PHTF2: variants seen among roughly 807,000 people sequenced by gnomAD.
PHTF2 encodes protein PHTF2.
In PHTF2, 60 loss-of-function variants were observed where a neutral mutation model predicts 101.2. The ratio of observed to expected loss-of-function variants is 0.59; its 90% CI spans 0.48 to 0.73. The LOEUF (loss-of-function observed/expected upper bound fraction) is 0.73. Among genes scored for constraint, PHTF2 ranks in the 30% least tolerant of loss-of-function variants. PHTF2 has a pLI of 0.00. For missense variants in PHTF2, 747 were observed against 908.7 expected (o/e 0.82, Z 2.29); for synonymous variants, 311 against 307.3 (o/e 1.01, Z -0.13).
At chr7:77,905,541 C>A (rs1801776123) in intron 7 of PHTF2, among the ~76,000 whole-genome samples, 1 of 152,120 alleles carries the variant, frequency 6.6e-6, no homozygotes, top group Admixed American at 6.5e-5. Context: ...CTCTGTTGCT[C>A]AGGCTGGAGT....
At chr7:77,816,968 T>C (rs189083135) in intron 1 of PHTF2, among the ~76,000 whole-genome samples, 44 of 152,358 alleles carry the variant, frequency 2.9e-4, no homozygotes, top group African/African-American at 1.0e-3. Flanking sequence ...CATTCATCTG[T>C]TGTTGGGCAT....
At chr7:77,859,728 C>T (rs1797474860) in intron 3 of PHTF2, among the ~76,000 whole-genome samples, 1 of 151,934 alleles carries the variant, frequency 6.6e-6, no homozygotes, top group South Asian at 2.1e-4. Context: ...CACTAACACA[C>T]CTGGCTAATT....
At chr7:77,888,192 G>A (rs12536088) in intron 3 of PHTF2, among the ~76,000 whole-genome samples, 3,357 of 151,996 alleles carry the variant, frequency 0.022, 50 homozygotes, top group Middle Eastern at 0.068. Flanking sequence ...TTGGCTTACC[G>A]CAACTTCCTC....
intron 3 of PHTF2, among the ~76,000 whole-genome samples, chr7:77,868,084 C>T (rs532760434): frequency 1.3e-5 from 2 of 152,220 alleles, no homozygotes; most frequent in South Asian, 4.1e-4. Flanking sequence ...GTGGAAACTT[C>T]CCAGTCTCCT....
At chr7:77,835,622 G>C (rs949622597) in intron 1 of PHTF2, among the ~76,000 whole-genome samples, 1 of 152,068 alleles carries the variant, frequency 6.6e-6, no homozygotes, top group Non-Finnish European at 1.5e-5. Context: ...TTGAACAATT[G>C]GGGTTAGGGA....
chr7:77,851,979 T>G (rs892462033), intron 2 of PHTF2, among the ~76,000 whole-genome samples: 1 of 152,198 alleles, frequency 6.6e-6, no homozygotes, highest in African/African-American at 2.4e-5. Context: ...CACTGGTAAT[T>G]CAGGAGCATA....
chr7:77,861,319 C>T (rs1048084639), intron 3 of PHTF2, among the ~76,000 whole-genome samples: 1 of 152,004 alleles, frequency 6.6e-6, no homozygotes, highest in Non-Finnish European at 1.5e-5. Context: ...GAATAGATAG[C>T]TATAAAGGCA....
chr7:77,905,986 A>G (rs1000698460), intron 7 of PHTF2, among the ~76,000 whole-genome samples: 1 of 151,312 alleles, frequency 6.6e-6, no homozygotes, highest in South Asian at 2.1e-4. Flanking sequence ...TTCTCTATAT[A>G]TCTTCTTTTT....
intron 2 of PHTF2, among the ~76,000 whole-genome samples, chr7:77,842,968 C>A (rs750841690): frequency 2.6e-5 from 4 of 152,124 alleles, no homozygotes; most frequent in Non-Finnish European, 4.4e-5. Flanking sequence ...TAGATTTGAC[C>A]TGTAGGCCTT....
At chr7:77,956,383 C>T (rs1247600329) in exon 20 of PHTF2, 1 of 152,576 alleles carries the variant, frequency 6.6e-6, no homozygotes, top group Non-Finnish European at 1.5e-5. Flanking sequence ...TCACTTTGCT[C>T]TTACCATTCC....
intron 3 of PHTF2, among the ~76,000 whole-genome samples, chr7:77,868,630 G>T (rs371997833): frequency 6.6e-6 from 1 of 152,010 alleles, no homozygotes; most frequent in East Asian, 1.9e-4. Context: ...AATTTGAAAC[G>T]GTTTCTGCTA....
chr7:77,818,738 T>C (rs1041189643), intron 1 of PHTF2, among the ~76,000 whole-genome samples: 5 of 152,228 alleles, frequency 3.3e-5, no homozygotes, highest in Admixed American at 3.3e-4. Flanking sequence ...TCAGAGGCTT[T>C]TGTAGTTCCA....
intron 3 of PHTF2, among the ~76,000 whole-genome samples, chr7:77,891,610 G>C (rs1432835803): frequency 6.6e-6 from 1 of 151,694 alleles, no homozygotes; most frequent in African/African-American, 2.4e-5. Context: ...TTTTGTTTGA[G>C]GCAGAATACT....
chr7:77,841,596 G>T (rs1795892631), intron 2 of PHTF2, among the ~76,000 whole-genome samples: 1 of 152,134 alleles, frequency 6.6e-6, no homozygotes, highest in Non-Finnish European at 1.5e-5. Context: ...TCCCTTAGTA[G>T]ATGGCATGGG....
At chr7:77,814,883 T>C (rs1475534087) in intron 1 of PHTF2, among the ~76,000 whole-genome samples, 2 of 152,142 alleles carry the variant, frequency 1.3e-5, no homozygotes, top group Non-Finnish European at 1.5e-5. Flanking sequence ...ATGACCAGCC[T>C]GGCCAACTTG....
chr7:77,912,535 G>A (rs576909995), intron 9 of PHTF2, among the ~76,000 whole-genome samples: 71 of 151,874 alleles, frequency 4.7e-4, no homozygotes, highest in Admixed American at 7.9e-4. Flanking sequence ...GGATACTTCC[G>A]TTAAGTTATC....
At chr7:77,877,157 C>G (rs1799017897) in intron 3 of PHTF2, among the ~76,000 whole-genome samples, 1 of 150,528 alleles carries the variant, frequency 6.6e-6, no homozygotes, top group South Asian at 2.1e-4. Flanking sequence ...GCTCTGTCAC[C>G]CAGGCTGGAG....
intron 3 of PHTF2, among the ~76,000 whole-genome samples, chr7:77,890,495 A>G (rs1327820173): frequency 1.3e-5 from 2 of 152,220 alleles, no homozygotes; most frequent in Non-Finnish European, 2.9e-5. Context: ...GTGTATGAAA[A>G]CAAAATACTG....
chr7:77,888,924 C>T (rs906336779), intron 3 of PHTF2, among the ~76,000 whole-genome samples: 3 of 151,408 alleles, frequency 2.0e-5, no homozygotes, highest in African/African-American at 4.9e-5. Flanking sequence ...GTGCATTATT[C>T]GTGTTTAGAG....
Sources: gnomAD v4.1 joint callset for allele counts (sites outside exome capture counted in the v4.1 genomes callset) on GRCh38, gnomAD v4.1.1 for gene constraint, MANE v1.5 for transcripts, NCBI Gene and HGNC (gene_info 2026-07-23, HGNC 2026-07-21) for gene names.